Variants in SMIM14 observed in about 807,000 individuals in gnomAD.
SMIM14 encodes the protein chromosome 4 open reading frame 34.
A neutral mutation model predicts 12.6 loss-of-function variants in SMIM14; 5 were observed. The observed-to-expected ratio is 0.40, with a 90% CI of 0.21 to 0.83. The LOEUF is 0.83. Among genes scored for constraint, SMIM14 ranks in the 40% least tolerant of loss-of-function variants. The probability of loss-of-function intolerance (pLI) is 0.37; values close to 1 mark genes in which losing one functional copy is unlikely to be tolerated. For synonymous variants in SMIM14, 30 were observed against 40.1 expected (o/e 0.75, Z 0.95); for missense variants, 86 against 119.1 (o/e 0.72, Z 1.29).
intron 4 of SMIM14, 47 bp from the exon 5 acceptor site, chr4:39,552,205 C>T (rs1305486176): frequency 2.0e-6 from 3 of 1,468,742 alleles, no homozygotes; most frequent in Non-Finnish European, 1.8e-6. Flanking sequence ...TTTAAAAATT[C>T]AAAAAAATTT....
At chr4:39,572,149 G>A (rs1361525924) in intron 3 of SMIM14, among the ~76,000 whole-genome samples, 2 of 151,648 alleles carry the variant, frequency 1.3e-5, no homozygotes, top group South Asian at 2.1e-4. Flanking sequence ...CAATAAGCAG[G>A]GTTTTTGAGG....
chr4:39,621,077 A>G (rs1715467881), intron 1 of SMIM14: 1 of 152,204 alleles, frequency 6.6e-6, no homozygotes, highest in Non-Finnish European at 1.5e-5. Context: ...AGCTCCCCAG[A>G]AAAAATTCCA....
intron 1 of SMIM14, among the ~76,000 whole-genome samples, chr4:39,609,486 G>C (rs900833): frequency 0.33 from 49,921 of 151,946 alleles, 8,827 homozygotes; most frequent in Middle Eastern, 0.43. Flanking sequence ...GAAGGTGTGA[G>C]ACTTGGGGGT....
chr4:39,609,128 C>T (rs1247458754), intron 1 of SMIM14, among the ~76,000 whole-genome samples: 1 of 151,596 alleles, frequency 6.6e-6, no homozygotes, highest in Non-Finnish European at 1.5e-5. Context: ...AGGCGCGTGC[C>T]ACCATGCCCG....
chr4:39,638,210 G>A (rs1334376934), intron 1 of SMIM14: 1 of 152,554 alleles, frequency 6.6e-6, no homozygotes, highest in Non-Finnish European at 1.5e-5. Flanking sequence ...ACAGAAAAAG[G>A]GGATCCTTTA....
chr4:39,556,864 T>C (rs1712042045), intron 3 of SMIM14, among the ~76,000 whole-genome samples: 1 of 152,218 alleles, frequency 6.6e-6, no homozygotes, highest in Non-Finnish European at 1.5e-5. Flanking sequence ...CATAGCTCAC[T>C]ACAGCCTTAA....
chr4:39,595,681 T>A (rs1714327852), intron 2 of SMIM14, among the ~76,000 whole-genome samples: 1 of 150,632 alleles, frequency 6.6e-6, no homozygotes, highest in Non-Finnish European at 1.5e-5. Flanking sequence ...CAATCTTGGC[T>A]CACTTCAACC....
At chr4:39,557,323 A>T (rs890248526) in intron 3 of SMIM14, among the ~76,000 whole-genome samples, 3 of 151,410 alleles carry the variant, frequency 2.0e-5, no homozygotes, top group Admixed American at 6.6e-5. Context: ...CACACCCCTA[A>T]TTTTTTTTAA....
intron 1 of SMIM14, chr4:39,611,892 A>C (rs1280962565): frequency 1.3e-5 from 2 of 152,214 alleles, no homozygotes; most frequent in Non-Finnish European, 2.9e-5. Flanking sequence ...TGAACCAACC[A>C]ACATATATTG....
intron 3 of SMIM14, among the ~76,000 whole-genome samples, chr4:39,557,541 T>A (rs1306270468): frequency 6.6e-6 from 1 of 152,154 alleles, no homozygotes; most frequent in East Asian, 1.9e-4. Flanking sequence ...TGTAGATTAA[T>A]GAGGCTAGGG....
intron 2 of SMIM14, among the ~76,000 whole-genome samples, chr4:39,578,807 C>A (rs1424792786): frequency 6.6e-6 from 1 of 151,584 alleles, no homozygotes; most frequent in African/African-American, 2.4e-5. Flanking sequence ...ACAAGCCTGG[C>A]CAAAATGGTG....
At chr4:39,562,195 G>A (rs1712343674) in intron 3 of SMIM14, among the ~76,000 whole-genome samples, 2 of 151,920 alleles carry the variant, frequency 1.3e-5, no homozygotes, top group African/African-American at 2.4e-5. Context: ...GCAACATAGT[G>A]AGACCCCTGT....
chr4:39,568,065 G>A (rs1046209333), intron 3 of SMIM14, among the ~76,000 whole-genome samples: 2 of 152,036 alleles, frequency 1.3e-5, no homozygotes, highest in Admixed American at 1.3e-4. Flanking sequence ...ATCACTTGAG[G>A]TCAGGAGTTT....
At chr4:39,624,203 A>G (rs2110077490) in intron 1 of SMIM14, among the ~76,000 whole-genome samples, 1 of 152,320 alleles carries the variant, frequency 6.6e-6, no homozygotes. Context: ...TTTAACACAA[A>G]TGGCTCTCAA....
intron 1 of SMIM14, among the ~76,000 whole-genome samples, chr4:39,630,127 G>A (rs986695922): frequency 2.0e-5 from 3 of 152,182 alleles, no homozygotes; most frequent in Admixed American, 2.0e-4. Flanking sequence ...AGTGCTGAGC[G>A]CAGTGGCTCA....
chr4:39,605,220 G>T, intron 1 of SMIM14, 40 bp from the exon 2 acceptor site: 2 of 1,141,088 alleles, frequency 1.8e-6, no homozygotes, highest in South Asian at 1.4e-5. Flanking sequence ...CTACAATTCA[G>T]AATTACTCTT....
chr4:39,616,441 T>C (rs1715228031), intron 1 of SMIM14, among the ~76,000 whole-genome samples: 1 of 152,134 alleles, frequency 6.6e-6, no homozygotes, highest in Admixed American at 6.6e-5. Flanking sequence ...GGCCACATTT[T>C]ATAACTTGGG....
intron 1 of SMIM14, among the ~76,000 whole-genome samples, chr4:39,625,921 G>C (rs1715679093): frequency 6.6e-6 from 1 of 152,214 alleles, no homozygotes; most frequent in South Asian, 2.1e-4. Context: ...GTATAGATCA[G>C]GTATAGATTA....
rs1313496296 is a variant in SMIM14 at position 39,594,131 on chromosome 4, C to CAT, written c.75+10939_75+10940insAT. On this transcript the variant is annotated intron_variant, in intron 2 of 4. Coordinates refer to ENST00000295958, the MANE Select transcript of SMIM14 (RefSeq NM_174921.3). ...GCCAAAAGAACAAAGCTGGAGGCAT[C>CAT]ACGGTACCTGACTTCAAACTATACT... 9.7e-4 allele frequency: 147 copies of CAT among 152,318 alleles called. 1 individual carries two copies. The highest frequency in any genetic ancestry group is 1.0e-3 in the Non-Finnish European group (70 of 68,050). The allele number at this position is 152,318 out of a possible 1,614,324, so 9.4% of individuals were successfully genotyped here. A position where few individuals can be genotyped will look rare whatever the true frequency, so the allele number is the denominator to read the frequency against.
Sources: gnomAD v4.1 joint callset for allele counts (sites outside exome capture counted in the v4.1 genomes callset) on GRCh38, gnomAD v4.1.1 for gene constraint, MANE v1.5 for transcripts, NCBI Gene and HGNC (gene_info 2026-07-23, HGNC 2026-07-21) for gene names.